NAMPT: variants seen among roughly 807,000 people sequenced by gnomAD.
The protein encoded by NAMPT is NAmPRTase.
In NAMPT, 7 loss-of-function variants were observed where a neutral mutation model predicts 58.7. The ratio of observed to expected loss-of-function variants is 0.12; its 90% CI spans 0.07 to 0.22. The LOEUF is 0.22. NAMPT is among the 10% of genes least tolerant of loss of function. NAMPT has a pLI of 1.00. For missense variants in NAMPT, 271 were observed against 567.9 expected, an observed-to-expected ratio of 0.48 and a Z score of 5.31; for synonymous variants, 145 against 198.1, an observed-to-expected ratio of 0.73 and a Z score of 2.25.
At chr7:106,267,872 A>AAAAAAAAAAAAAAAAAC (rs1562815992) in intron 6 of NAMPT, among the ~76,000 whole-genome samples, 16 of 136,276 alleles carry the variant, frequency 1.2e-4, no homozygotes, top group African/African-American at 4.1e-4. Context: ...AAAAAAAAAA[A>AAAAAAAAAAAAAAAAAC]AAAACAACCT....
intron 7 of NAMPT, among the ~76,000 whole-genome samples, chr7:106,262,640 A>C (rs879524204): frequency 2.0e-5 from 3 of 151,584 alleles, no homozygotes; most frequent in Non-Finnish European, 4.4e-5. Flanking sequence ...GGTGTGGTCA[A>C]GTAGCAAGGC....
At position 106,274,989 on chromosome 7, in the gene NAMPT, T is replaced by C; in HGVS notation, c.275A>G (p.Gln92Arg). The change falls in exon 3 of 11, where the codon CAA becomes CGA. Residue 92 changes from glutamine (Q) to arginine (R), a missense_variant. This residue lies in a region of NAMPT where 103 missense variants were observed against 194.2 expected (regional missense o/e 0.53). Transcript: ENST00000222553. Reference protein sequence around the residue: ...EAKDVYKEHFQDDVFNEKGWN... With the variant: ...EAKDVYKEHFRDDVFNEKGWN... ...TCCCTTTTCATTAAAGACATCATCT[T>C]GGAAATGTTCTTTGTAGACATCTTT... 12 of 1,612,570 alleles carry C rather than the reference T, an allele frequency of 7.4e-6. No individual in the cohort carries two copies. Among genetic ancestry groups the C allele is most frequent in the Non-Finnish European group, 1.0e-5 (12 of 1,178,708 alleles).
intron 4 of NAMPT, among the ~76,000 whole-genome samples, chr7:106,269,967 A>T (rs1056445685): frequency 6.6e-6 from 1 of 152,240 alleles, no homozygotes; most frequent in African/African-American, 2.4e-5. Context: ...TATCAAATAT[A>T]TAAGTATTTG....
rs1400871270 is a variant in NAMPT, at chr7:106,263,527, G to A, written c.834C>T (p.Ser278=). The change falls in exon 7 of 11, where the codon AGC becomes AGT. Residue 278 remains serine (S), a synonymous_variant. Coordinates refer to ENST00000222553, the MANE Select transcript of NAMPT (RefSeq NM_005746.3). ...ACGCATTATAAATGTCATAGCTATC[G>A]CTGACCACAGATACAGGCACTGATG... ...QFSSVPVSVV[S]DSYDIYNACE... 4.3e-6 allele frequency: 7 copies of A among 1,612,048 alleles called. No homozygotes were observed. Among genetic ancestry groups the A allele is most frequent in the Admixed American group, 1.7e-5 (1 of 59,970 alleles).
At position 106,262,815 on chromosome 7, in the gene NAMPT, T is replaced by C. The variant is rs532123254; in HGVS notation, c.969+577A>G. ...TGTAGAGATTAAATGGCGTATCTTA[T>C]GTAAATCACCTAAAATATTTTTCTA... On this transcript the variant is annotated intron_variant, in intron 7 of 10. Coordinates refer to ENST00000222553, the MANE Select transcript of NAMPT (RefSeq NM_005746.3). Among the ~76,000 whole-genome samples the C allele has an allele frequency of 4.1e-4, 63 of 152,216 alleles. 1 individual carries two copies. Among genetic ancestry groups the C allele is most frequent in the African/African-American group, 1.4e-3 (60 of 41,558 alleles).
intron 6 of NAMPT, among the ~76,000 whole-genome samples, chr7:106,266,573 AT>A (rs1355665012): frequency 6.7e-6 from 1 of 150,074 alleles, no homozygotes; most frequent in Non-Finnish European, 1.5e-5. Context: ...AGCTGAATCT[AT>A]TTTCTACTGA....
chr7:106,263,224 T>C (rs1562814433), intron 7 of NAMPT, 168 bp downstream of exon 7: 1 of 612,082 alleles, frequency 1.6e-6, no homozygotes, highest in South Asian at 2.1e-5. Flanking sequence ...TTCTGTGCTA[T>C]TACTGTGTGA....
chr7:106,285,180 G>C, upstream of NAMPT: 3 of 1,226,344 alleles, frequency 2.4e-6, no homozygotes, highest in South Asian at 4.9e-5. Flanking sequence ...GAGAAAGGGC[G>C]GGGCGCGGCA....
At chr7:106,273,387 C>T (rs1201180146) in intron 3 of NAMPT, among the ~76,000 whole-genome samples, 2 of 152,150 alleles carry the variant, frequency 1.3e-5, no homozygotes, top group Non-Finnish European at 2.9e-5. Flanking sequence ...TTTCAGAAAT[C>T]CTGATAATTT....
rs962732618 is a variant in NAMPT, at chr7:106,249,995, G to A, written c.*1088C>T. The A allele has an allele frequency of 1.3e-5, 2 of 151,974 alleles. No homozygotes were observed. Among genetic ancestry groups the A allele is most frequent in the Non-Finnish European group, 2.9e-5 (2 of 67,920 alleles). The allele number at this position is 151,974 out of a possible 1,614,324, so 9.4% of individuals were successfully genotyped here. The stretch of plus-strand genomic sequence containing the variant: ...TATCTTCATTTAAGAATGTGCTTCA[G>A]TATTACTTATTGAGGGCATTCAGTT... On this transcript the variant is annotated 3_prime_UTR_variant, in exon 11 of 11. Coordinates refer to ENST00000222553, the MANE Select transcript of NAMPT (RefSeq NM_005746.3).
intron 3 of NAMPT, among the ~76,000 whole-genome samples, chr7:106,273,781 CTTAT>C (rs1792581385): frequency 6.6e-6 from 1 of 151,996 alleles, no homozygotes; most frequent in African/African-American, 2.4e-5. Context: ...TTCTATTGAC[CTTAT>C]TTAAGATACA....
chr7:106,264,845 T>C (rs1792379490), intron 6 of NAMPT, among the ~76,000 whole-genome samples: 2 of 151,960 alleles, frequency 1.3e-5, no homozygotes, highest in African/African-American at 4.8e-5. Flanking sequence ...AGTCAGACTT[T>C]ATGTCTGAAA....
At chr7:106,271,044 AATT>A (rs1192882762) in intron 4 of NAMPT, among the ~76,000 whole-genome samples, 1 of 152,042 alleles carries the variant, frequency 6.6e-6, no homozygotes, top group Admixed American at 6.5e-5. Context: ...TCTTTAGTCT[AATT>A]ATTCTTCATA....
intron 6 of NAMPT, 31 bp downstream of exon 6, chr7:106,268,430 TTAG>T: frequency 6.3e-7 from 1 of 1,587,990 alleles, no homozygotes; most frequent in Non-Finnish European, 8.6e-7. Context: ...AGTGAAAAAA[TTAG>T]TAGTTTTAAA....
At chr7:106,261,401 G>A in intron 8 of NAMPT, 187 bp downstream of exon 8, 1 of 474,702 alleles carries the variant, frequency 2.1e-6, no homozygotes. Flanking sequence ...GAGTAAGTAT[G>A]GCTTGGCTGG....
At chr7:106,272,323 C>T in intron 4 of NAMPT, 2 of 417,152 alleles carry the variant, frequency 4.8e-6, no homozygotes, top group Non-Finnish European at 4.2e-6. Flanking sequence ...TTGATTTAAA[C>T]AAAATCTCAG....
intron 8 of NAMPT, among the ~76,000 whole-genome samples, chr7:106,256,228 G>A (rs185339746): frequency 6.6e-6 from 1 of 152,258 alleles, no homozygotes; most frequent in African/African-American, 2.4e-5. Context: ...GAAGATAGGC[G>A]CTCTGTATTT....
At chr7:106,285,413 C>A, upstream of NAMPT, 1 of 547,168 alleles carries the variant, frequency 1.8e-6, no homozygotes, top group Non-Finnish European at 2.3e-6. Context: ...TCGCCCGCCC[C>A]GCCTGGGACC....
chr7:106,253,336 CGTTT>C lies in NAMPT; in HGVS notation c.1231-189_1231-186del. 6.9e-6 allele frequency: 4 copies of C among 576,630 alleles called. No individual in the cohort carries two copies. In the South Asian group the frequency reaches 9.1e-5, roughly 13 times the overall value. The allele number at this position is 576,630 out of a possible 1,614,324, so 35.7% of individuals were successfully genotyped here. A position where few individuals can be genotyped will look rare whatever the true frequency, so the allele number is the denominator to read the frequency against. On this transcript the variant is annotated intron_variant, in intron 9 of 10. Coordinates refer to ENST00000222553, the MANE Select transcript of NAMPT (RefSeq NM_005746.3). ...ACTTTAGCCTGTTTTGAAGGATAGT[CGTTT>C]GTAATAAAGAAAAAGTATGACATCT... is the stretch of plus-strand genomic sequence containing the variant.
Sources: gnomAD v4.1 joint callset for allele counts (sites outside exome capture counted in the v4.1 genomes callset) on GRCh38, gnomAD v4.1.1 for gene constraint, gnomAD v4.1.1 regional missense constraint, MANE v1.5 for transcripts, NCBI Gene and HGNC (gene_info 2026-07-23, HGNC 2026-07-21) for gene names.